RANBP2: variants seen among roughly 807,000 people sequenced by gnomAD.
RANBP2 encodes RAN binding protein 2.
RANBP2 carries 57 observed loss-of-function variants against 303.6 expected under a neutral mutation model. The ratio of observed to expected loss-of-function variants is 0.19; its 90% CI spans 0.15 to 0.23. The LOEUF is 0.23. Ranked by LOEUF, RANBP2 falls within the 10% of genes least tolerant of loss-of-function variation. The pLI, the probability that RANBP2 is intolerant of heterozygous loss-of-function variation, is 1.00. For missense variants in RANBP2, 3,138 were observed against 3,780.8 expected (o/e 0.83, Z 4.46); for synonymous variants, 1,167 against 1,301.5 (o/e 0.90, Z 2.23).
At chr2:109,501,481 A>G in the RANBP2 span, 3 of 771,282 alleles carry the variant, frequency 3.9e-6, no homozygotes, top group South Asian at 1.4e-5. Context: ...TGTGGGGCTC[A>G]CCCACTGTGC....
chr2:109,661,479 C>A, the RANBP2 span, among the ~76,000 whole-genome samples: 1 of 152,146 alleles, frequency 6.6e-6, no homozygotes, highest in Non-Finnish European at 1.5e-5. Flanking sequence ...AACTCCTGAC[C>A]TCGTGATCTG....
At chr2:109,434,604 C>T in the RANBP2 span, among the ~76,000 whole-genome samples, 1 of 152,228 alleles carries the variant, frequency 6.6e-6, no homozygotes, top group Non-Finnish European at 1.5e-5. Flanking sequence ...GAATATCCTT[C>T]AAGAGCTGGG....
the RANBP2 span, chr2:109,604,865 G>A: frequency 6.6e-6 from 1 of 152,206 alleles, no homozygotes; most frequent in Non-Finnish European, 1.5e-5. Flanking sequence ...GAAAAGGTGA[G>A]GCTGCAAGAA....
At chr2:108,845,571 ATTTT>A in the RANBP2 span, among the ~76,000 whole-genome samples, 5 of 111,704 alleles carry the variant, frequency 4.5e-5, no homozygotes, top group Admixed American at 9.3e-5. Context: ...CTTTCATTTG[ATTTT>A]TTTTTTTTTT....
At chr2:109,492,075 G>A in the RANBP2 span, among the ~76,000 whole-genome samples, 1 of 152,118 alleles carries the variant, frequency 6.6e-6, no homozygotes, top group Non-Finnish European at 1.5e-5. Context: ...CTGTGTCTGT[G>A]GTGACCACGT....
intron 7 of RANBP2, among the ~76,000 whole-genome samples, chr2:108,744,777 A>G (rs1424701006): frequency 6.6e-6 from 1 of 152,230 alleles, no homozygotes; most frequent in Non-Finnish European, 1.5e-5. Context: ...GCTCTTAAGA[A>G]TATGCTATGA....
chr2:109,231,433 C>G, the RANBP2 span, among the ~76,000 whole-genome samples: 1 of 152,224 alleles, frequency 6.6e-6, no homozygotes, highest in Non-Finnish European at 1.5e-5. Flanking sequence ...GGATGCTTTG[C>G]TTTTCTCGTG....
At chr2:109,020,412 A>C in the RANBP2 span, among the ~76,000 whole-genome samples, 1 of 152,254 alleles carries the variant, frequency 6.6e-6, no homozygotes, top group Non-Finnish European at 1.5e-5. Context: ...TTCGGGTTCC[A>C]GTAGAGGAAG....
the RANBP2 span, among the ~76,000 whole-genome samples, chr2:109,274,989 A>G: frequency 1.3e-5 from 2 of 152,208 alleles, no homozygotes; most frequent in Admixed American, 1.3e-4. Context: ...TTGCATCAAT[A>G]AAAGAGCTAG....
chr2:109,314,431 T>C, the RANBP2 span, among the ~76,000 whole-genome samples: 7 of 152,112 alleles, frequency 4.6e-5, no homozygotes, highest in African/African-American at 1.7e-4. Flanking sequence ...GGAGCAGAGA[T>C]AGAGGGTAGG....
At chr2:109,466,474 C>T in the RANBP2 span, among the ~76,000 whole-genome samples, 6,142 of 152,214 alleles carry the variant, frequency 0.04, 237 homozygotes, top group African/African-American at 0.096. Flanking sequence ...GTTCTTTGTA[C>T]ATTTTAGATA....
At chr2:109,717,507 G>A in the RANBP2 span, among the ~76,000 whole-genome samples, 17 of 152,010 alleles carry the variant, frequency 1.1e-4, no homozygotes, top group Admixed American at 6.6e-5. Flanking sequence ...GCTTGAACCC[G>A]GGAGGCAGAG....
At chr2:109,614,531 C>T in the RANBP2 span, 1 of 1,286,004 alleles carries the variant, frequency 7.8e-7, no homozygotes, top group Non-Finnish European at 9.8e-7. Context: ...CGGCGCTGGG[C>T]CCCGAGGCGG....
chr2:109,639,337 T>C, the RANBP2 span, among the ~76,000 whole-genome samples: 2 of 152,256 alleles, frequency 1.3e-5, no homozygotes, highest in African/African-American at 4.8e-5. Context: ...AAATATTGGC[T>C]CAGCTGGACG....
At chr2:109,520,492 C>T in the RANBP2 span, among the ~76,000 whole-genome samples, 1 of 146,388 alleles carries the variant, frequency 6.8e-6, no homozygotes, top group African/African-American at 2.5e-5. Flanking sequence ...CCCAGCTACT[C>T]AGAAGGTTGA....
At chr2:109,225,397 C>T in the RANBP2 span, among the ~76,000 whole-genome samples, 1 of 152,132 alleles carries the variant, frequency 6.6e-6, no homozygotes, top group African/African-American at 2.4e-5. Flanking sequence ...CACAGGGACC[C>T]GAAATCTGCA....
the RANBP2 span, among the ~76,000 whole-genome samples, chr2:108,845,526 A>C: frequency 6.6e-6 from 1 of 151,972 alleles, no homozygotes; most frequent in African/African-American, 2.4e-5. Context: ...AATCTGGTTT[A>C]AGCATTCTGA....
chr2:109,434,142 G>A, the RANBP2 span, among the ~76,000 whole-genome samples: 2 of 152,218 alleles, frequency 1.3e-5, 1 homozygote, highest in African/African-American at 4.8e-5. Flanking sequence ...GGAAAGCACA[G>A]GTCACCCCTC....
chr2:108,913,402 T>C, the RANBP2 span, among the ~76,000 whole-genome samples: 1 of 152,204 alleles, frequency 6.6e-6, no homozygotes, highest in Non-Finnish European at 1.5e-5. Context: ...ATAGAGTGTG[T>C]ACATGAAAGT....
Sources: gnomAD v4.1 joint callset for allele counts (sites outside exome capture counted in the v4.1 genomes callset) on GRCh38, gnomAD v4.1.1 for gene constraint, MANE v1.5 for transcripts, NCBI Gene and HGNC (gene_info 2026-07-23, HGNC 2026-07-21) for gene names.